Variants in SKAP1 observed in about 807,000 individuals in gnomAD.
The protein encoded by SKAP1 is src kinase-associated phosphoprotein 1.
A neutral mutation model predicts 58.5 loss-of-function variants in SKAP1; 44 were observed. That is an observed-to-expected ratio of 0.75 (90% CI 0.59 to 0.97). The LOEUF (loss-of-function observed/expected upper bound fraction) is 0.97, where lower values mean the gene tolerates loss of function less well. Among genes scored for constraint, SKAP1 ranks in the 50% least tolerant of loss-of-function variants. The probability of loss-of-function intolerance (pLI) is 0.00; values close to 1 mark genes in which losing one functional copy is unlikely to be tolerated. For synonymous variants in SKAP1, 127 were observed against 149.7 expected, an observed-to-expected ratio of 0.85 and a Z score of 1.11; for missense variants, 390 against 435.2, an observed-to-expected ratio of 0.90 and a Z score of 0.92.
intron 4 of SKAP1, among the ~76,000 whole-genome samples, chr17:48,289,144 A>T (rs2065869944): frequency 6.6e-6 from 1 of 152,158 alleles, no homozygotes. Flanking sequence ...AAACAGTAGG[A>T]ATGTTTATCT....
At chr17:48,262,582 T>A (rs1192046393) in intron 4 of SKAP1, among the ~76,000 whole-genome samples, 1 of 152,214 alleles carries the variant, frequency 6.6e-6, no homozygotes, top group Admixed American at 6.5e-5. Flanking sequence ...ATAAACAATG[T>A]ATATTGTAAT....
At chr17:48,267,905 T>C (rs929461313) in intron 4 of SKAP1, among the ~76,000 whole-genome samples, 13 of 152,156 alleles carry the variant, frequency 8.5e-5, no homozygotes, top group African/African-American at 3.1e-4. Flanking sequence ...CAGAGGTTGC[T>C]TATAGGTACC....
chr17:48,340,416 G>T (rs2066635777), intron 4 of SKAP1, among the ~76,000 whole-genome samples: 1 of 151,982 alleles, frequency 6.6e-6, no homozygotes, highest in South Asian at 2.1e-4. Context: ...ATTTCACACA[G>T]TCCTCTCAGG....
chr17:48,169,849 A>G (rs1207044696), intron 10 of SKAP1, among the ~76,000 whole-genome samples: 1 of 151,996 alleles, frequency 6.6e-6, no homozygotes, highest in East Asian at 1.9e-4. Flanking sequence ...TAGACTCCCT[A>G]AGAAAAATAT....
At chr17:48,174,891 T>C (rs1306583702) in intron 9 of SKAP1, among the ~76,000 whole-genome samples, 1 of 152,216 alleles carries the variant, frequency 6.6e-6, no homozygotes, top group Non-Finnish European at 1.5e-5. Context: ...ACTTATCACA[T>C]TAAATGCTCT....
intron 11 of SKAP1, among the ~76,000 whole-genome samples, chr17:48,139,496 A>G (rs1339357020): frequency 6.6e-6 from 1 of 152,182 alleles, no homozygotes; most frequent in Non-Finnish European, 1.5e-5. Context: ...TGAAATTTTA[A>G]GTATGGGAAA....
chr17:48,429,755 G>A (rs1330833378), intron 1 of SKAP1, among the ~76,000 whole-genome samples: 1 of 152,174 alleles, frequency 6.6e-6, no homozygotes, highest in Non-Finnish European at 1.5e-5. Flanking sequence ...GCAGTCCTTT[G>A]GAGAAAGGGA....
At chr17:48,308,441 T>C (rs913431206) in intron 4 of SKAP1, 3 of 152,218 alleles carry the variant, frequency 2.0e-5, no homozygotes, top group Non-Finnish European at 4.4e-5. Flanking sequence ...TGAGAAGACT[T>C]TGCAAAACTT....
upstream of SKAP1, among the ~76,000 whole-genome samples, chr17:48,431,158 G>A (rs1016429381): frequency 2.0e-5 from 3 of 152,082 alleles, no homozygotes; most frequent in African/African-American, 7.2e-5. Context: ...GAAAAGGAGG[G>A]AAGAGGCCAG....
intron 4 of SKAP1, among the ~76,000 whole-genome samples, chr17:48,319,660 G>T (rs1027033104): frequency 2.0e-5 from 3 of 152,140 alleles, no homozygotes. Flanking sequence ...TGGGCAACAT[G>T]GTGAAACCCC....
intron 1 of SKAP1, among the ~76,000 whole-genome samples, chr17:48,415,586 T>C (rs1209502780): frequency 1.3e-5 from 2 of 152,074 alleles, no homozygotes; most frequent in Non-Finnish European, 2.9e-5. Context: ...AACAGAAAGA[T>C]AGAGTTGGAG....
chr17:48,334,597 AT>A (rs1426147330), intron 4 of SKAP1, among the ~76,000 whole-genome samples: 1 of 151,942 alleles, frequency 6.6e-6, no homozygotes, highest in Non-Finnish European at 1.5e-5. Flanking sequence ...TTAAAAAAAA[AT>A]CAGGCCCAGC....
intron 11 of SKAP1, among the ~76,000 whole-genome samples, chr17:48,143,398 A>G (rs374832769): frequency 6.6e-6 from 1 of 150,492 alleles, no homozygotes; most frequent in Non-Finnish European, 1.5e-5. Context: ...TTTTGTAGAG[A>G]TAAGAGTTTT....
At chr17:48,387,128 A>G (rs1056455061) in intron 2 of SKAP1, among the ~76,000 whole-genome samples, 3 of 152,302 alleles carry the variant, frequency 2.0e-5, no homozygotes, top group East Asian at 1.9e-4. Flanking sequence ...TGGACTTAAC[A>G]TTTTTCTCCT....
intron 2 of SKAP1, among the ~76,000 whole-genome samples, chr17:48,367,720 C>A (rs1445746703): frequency 6.6e-6 from 1 of 151,518 alleles, no homozygotes; most frequent in Non-Finnish European, 1.5e-5. Context: ...GAGTTCAAGA[C>A]CAGCTTGGGA....
intron 4 of SKAP1, among the ~76,000 whole-genome samples, chr17:48,232,706 A>G (rs1046204693): frequency 1.3e-5 from 2 of 152,164 alleles, no homozygotes; most frequent in South Asian, 2.1e-4. Context: ...TTGTTCAGAC[A>G]TCGATTGCTG....
At chr17:48,366,284 A>G (rs948902907) in intron 2 of SKAP1, among the ~76,000 whole-genome samples, 1 of 152,236 alleles carries the variant, frequency 6.6e-6, no homozygotes, top group African/African-American at 2.4e-5. Flanking sequence ...ATTATCAGAC[A>G]TAAGAAAGTG....
chr17:48,364,250 A>G (rs1471729831), intron 2 of SKAP1, among the ~76,000 whole-genome samples: 1 of 152,056 alleles, frequency 6.6e-6, no homozygotes. Context: ...CAACACCAAC[A>G]CATCTCAAAT....
chr17:48,223,824 T>C (rs1461914161), intron 4 of SKAP1, among the ~76,000 whole-genome samples: 1 of 152,124 alleles, frequency 6.6e-6, no homozygotes, highest in African/African-American at 2.4e-5. Context: ...GAACAGCAGA[T>C]GTGCACGGCA....
Sources: allele counts gnomAD v4.1 joint callset (sites outside exome capture counted in the v4.1 genomes callset), GRCh38; gene constraint gnomAD v4.1.1; transcripts MANE v1.5; gene names NCBI Gene and HGNC (gene_info 2026-07-23, HGNC 2026-07-21).